The following EIF4EBP1 variants were observed in gnomAD, a reference collection of about 807,000 sequenced individuals.
EIF4EBP1 encodes eukaryotic translation initiation factor 4E-binding protein 1.
Under a neutral mutation model 9.2 loss-of-function variants are expected in EIF4EBP1, and 5 were observed. That is an observed-to-expected ratio of 0.54 (90% CI 0.28 to 1.14). The LOEUF is 1.14. EIF4EBP1 is among the 50% of genes most tolerant of loss of function. EIF4EBP1 has a pLI of 0.09. For synonymous variants in EIF4EBP1, 62 were observed against 67.0 expected, an observed-to-expected ratio of 0.93 and a Z score of 0.36; for missense variants, 139 against 169.6, an observed-to-expected ratio of 0.82 and a Z score of 1.00.
intron 1 of EIF4EBP1, among the ~76,000 whole-genome samples, chr8:38,045,993 C>A (rs796384484): frequency 6.6e-6 from 1 of 151,552 alleles, no homozygotes; most frequent in East Asian, 1.9e-4. Flanking sequence ...GCAACCTCTG[C>A]CTGGGTTCAA....
In EIF4EBP1 at chr8:38,057,195, A is replaced by T. The variant is rs775416052; in HGVS notation, c.260A>T (p.Asp87Val). The change falls in exon 2 of 3, where the codon GAT (aspartate) becomes GTT (valine). Residue 87 changes from aspartate (D) to valine (V), a missense_variant. Asp to Val is a radical substitution (Grantham distance 152, BLOSUM62 -3). Coordinates refer to ENST00000338825, the MANE Select transcript of EIF4EBP1 (RefSeq NM_004095.4). Reference sequence around the variant, plus strand: ...CCGGGGGTCACCAGCCCTTCCAGTGATGAGCCCCCCATGGAAGCCAGCCAG... The same window carrying T: ...CCGGGGGTCACCAGCCCTTCCAGTGTTGAGCCCCCCATGGAAGCCAGCCAG... The part of the protein sequence containing the change: ...TIPGVTSPSS[D>V]EPPMEASQSH... The T allele has an allele frequency of 4.3e-6, 7 of 1,614,196 alleles. No homozygotes were observed. Among genetic ancestry groups the T allele is most frequent in the Non-Finnish European group, 5.1e-6 (6 of 1,180,008 alleles).
At chr8:38,043,992 G>A (rs1030397907) in intron 1 of EIF4EBP1, among the ~76,000 whole-genome samples, 1 of 152,100 alleles carries the variant, frequency 6.6e-6, no homozygotes, top group African/African-American at 2.4e-5. Context: ...TGGCATGTCG[G>A]CGTATTTACC....
At chr8:38,057,540 C>T (rs1022436118) in intron 2 of EIF4EBP1, among the ~76,000 whole-genome samples, 2 of 152,198 alleles carry the variant, frequency 1.3e-5, no homozygotes, top group Non-Finnish European at 2.9e-5. Context: ...GAAATGGCAG[C>T]GGCTGCACAC....
chr8:38,046,091 C>G (rs942353141), intron 1 of EIF4EBP1, among the ~76,000 whole-genome samples: 4 of 152,106 alleles, frequency 2.6e-5, no homozygotes, highest in Non-Finnish European at 5.9e-5. Flanking sequence ...TTAATAGAGA[C>G]AGGGTTTCAC....
intron 1 of EIF4EBP1, 54 bp downstream of exon 1, chr8:38,030,772 C>T: frequency 7.3e-7 from 1 of 1,371,336 alleles, no homozygotes; most frequent in Non-Finnish European, 9.4e-7. Flanking sequence ...GCGGGAGGAT[C>T]GGGAATCGCG....
intron 2 of EIF4EBP1, 23 bp downstream of exon 2, chr8:38,057,283 G>C: frequency 6.7e-7 from 1 of 1,491,186 alleles, no homozygotes; most frequent in Non-Finnish European, 8.9e-7. Flanking sequence ...GCTTGGCCAG[G>C]CTCTACCTTG....
intron 1 of EIF4EBP1, among the ~76,000 whole-genome samples, chr8:38,033,906 C>T (rs946270778): frequency 6.6e-6 from 1 of 151,950 alleles, no homozygotes; most frequent in African/African-American, 2.4e-5. Context: ...GCGATCAAGC[C>T]CGGCTGATTT....
intron 2 of EIF4EBP1, 89 bp from the exon 3 acceptor site, chr8:38,059,815 A>G: frequency 8.5e-7 from 1 of 1,177,060 alleles, no homozygotes. Flanking sequence ...ACCCAACCTC[A>G]GGTATTTCTT....
intron 1 of EIF4EBP1, among the ~76,000 whole-genome samples, chr8:38,050,296 C>G (rs1305518323): frequency 2.6e-5 from 4 of 152,082 alleles, no homozygotes; most frequent in East Asian, 1.9e-4. Context: ...TTAAATGCTA[C>G]AAGCCTTTCT....
rs1809647066 is a variant in EIF4EBP1, at chr8:38,059,800, A to G, written c.326-104A>G. On this transcript the variant is annotated intron_variant, in intron 2 of 2. Transcript: ENST00000338825. ...ACAAAAAAAAACTTATTTTCTTTAT[A>G]AATTACCCAACCTCAGGTATTTCTT... The G allele has an allele frequency of 9.2e-6, 10 of 1,092,480 alleles. No individual in the cohort carries two copies. The South Asian group carries it at 1.4e-4, about 15-fold the overall frequency. 67.7% of individuals were successfully genotyped at this position (1,092,480 alleles called of 1,614,324 possible). A position where few individuals can be genotyped will look rare whatever the true frequency, so the allele number is the denominator to read the frequency against.
At chr8:38,038,007 C>G (rs1311123576) in intron 1 of EIF4EBP1, among the ~76,000 whole-genome samples, 2 of 150,858 alleles carry the variant, frequency 1.3e-5, no homozygotes, top group East Asian at 2.0e-4. Context: ...CTCCTGGGCT[C>G]AAGAGATCCA....
chr8:38,042,022 T>C (rs944947117), intron 1 of EIF4EBP1, among the ~76,000 whole-genome samples: 1 of 150,202 alleles, frequency 6.7e-6, no homozygotes, highest in Admixed American at 6.7e-5. Context: ...ACCACACAGG[T>C]GGCCATGATG....
At position 38,048,286 on chromosome 8, in the gene EIF4EBP1, T is replaced by A. The variant is rs1809471960; in HGVS notation, c.146-8795T>A. On this transcript the variant is annotated intron_variant, in intron 1 of 2. Coordinates refer to ENST00000338825, the MANE Select transcript of EIF4EBP1 (RefSeq NM_004095.4). ...AGACCCTGTTTCAAAAAAAAAAAAA[T>A]TTAAACTAAAATTAAAAGTAAACAT... Among the ~76,000 whole-genome samples, 4 of 151,764 alleles carry A rather than the reference T, an allele frequency of 2.6e-5. No individual in the cohort carries two copies. In the South Asian group the frequency reaches 6.3e-4, roughly 24 times the overall value.
rs765344514 is a variant in EIF4EBP1, at chr8:38,035,217, T to TATC, written c.145+4501_145+4502insCAT. ...TCCCTCCAATCCCCAGACTCCTTTT[T>TATC]ATTATTATTATTATTTTGAGACAGA... On this transcript the variant is annotated intron_variant, in intron 1 of 2. Transcript: ENST00000338825. Among the ~76,000 whole-genome samples the TATC allele has an allele frequency of 7.5e-3, 1,141 of 152,186 alleles. 15 individuals carry two copies. Among genetic ancestry groups the TATC allele is most frequent in the African/African-American group, 0.025 (1,034 of 41,522 alleles).
intron 1 of EIF4EBP1, among the ~76,000 whole-genome samples, chr8:38,052,601 C>T (rs1341023158): frequency 2.6e-5 from 4 of 152,002 alleles, no homozygotes; most frequent in African/African-American, 9.7e-5. Flanking sequence ...TCTGTAATCC[C>T]AGCTACTTGG....
intron 1 of EIF4EBP1, among the ~76,000 whole-genome samples, chr8:38,054,831 G>C (rs1409348701): frequency 3.3e-5 from 5 of 152,206 alleles, no homozygotes; most frequent in Non-Finnish European, 5.9e-5. Context: ...TGGGCTCATA[G>C]GCACTCAGAC....
chr8:38,043,898 A>G (rs976725889), intron 1 of EIF4EBP1, among the ~76,000 whole-genome samples: 2 of 152,058 alleles, frequency 1.3e-5, no homozygotes, highest in Non-Finnish European at 2.9e-5. Flanking sequence ...CTTGTTAAAT[A>G]GACCATCCAG....
At chr8:38,030,769 G>A in intron 1 of EIF4EBP1, 51 bp downstream of exon 1, 4 of 1,374,444 alleles carry the variant, frequency 2.9e-6, no homozygotes, top group South Asian at 1.7e-5. Context: ...CGGGCGGGAG[G>A]ATCGGGAATC....
intron 1 of EIF4EBP1, among the ~76,000 whole-genome samples, chr8:38,043,367 CTT>C (rs60303823): frequency 1.4e-4 from 20 of 139,518 alleles, no homozygotes; most frequent in Admixed American, 4.3e-4. Flanking sequence ...TTTTCTTTTT[CTT>C]TTTTTTTTTT....
Sources: gnomAD v4.1 joint callset for allele counts (sites outside exome capture counted in the v4.1 genomes callset) on GRCh38, gnomAD v4.1.1 for gene constraint, MANE v1.5 for transcripts, NCBI Gene and HGNC (gene_info 2026-07-23, HGNC 2026-07-21) for gene names.